ROBO1: variants seen among roughly 807,000 people sequenced by gnomAD.
ROBO1 encodes the protein roundabout homolog 1.
A neutral mutation model predicts 195.9 loss-of-function variants in ROBO1; 149 were observed. The observed-to-expected ratio is 0.76, with a 90% confidence interval of 0.67 to 0.87. ROBO1 has a LOEUF of 0.87. Among genes scored for constraint, ROBO1 ranks in the 40% least tolerant of loss-of-function variants. ROBO1 has a pLI of 0.00. For missense variants in ROBO1, 1,933 were observed against 2,068.3 expected (o/e 0.93, Z 1.27); for synonymous variants, 816 against 733.2 (o/e 1.11, Z -1.82).
At chr3:78,634,873 G>A (rs1404015686) in intron 23 of ROBO1, among the ~76,000 whole-genome samples, 2 of 152,044 alleles carry the variant, frequency 1.3e-5, no homozygotes, top group East Asian at 1.9e-4. Flanking sequence ...TTATATTTTT[G>A]TCATCTTCAA....
At chr3:79,089,957 T>TTC (rs2079446263) in intron 3 of ROBO1, among the ~76,000 whole-genome samples, 1 of 151,696 alleles carries the variant, frequency 6.6e-6, no homozygotes. Context: ...TTTTTTTTTT[T>TTC]AAGACGGAGT....
Position 79,613,210 on chromosome 3 carries a change from A to G in ROBO1, c.-50-23249T>C, listed in dbSNP as rs535247855. Among the ~76,000 whole-genome samples the G allele has an allele frequency of 3.9e-5, 6 of 152,126 alleles. No homozygotes were observed. The East Asian group carries it at 1.2e-3, about 30-fold the overall frequency. On this transcript the variant is annotated intron_variant, in intron 1 of 30. Coordinates refer to ENST00000464233, the MANE Select transcript of ROBO1 (RefSeq NM_002941.4). ...TCATTTAGCTACACTGCTTTATTTG[A>G]AGGTTAAACTCAGCTTTAAAACTAC...
At chr3:79,577,478 T>A (rs1178041012) in intron 2 of ROBO1, among the ~76,000 whole-genome samples, 2 of 152,088 alleles carry the variant, frequency 1.3e-5, no homozygotes, top group Non-Finnish European at 2.9e-5. Flanking sequence ...TGAAAAAACT[T>A]CTGCCCTGCA....
chr3:79,753,484 G>A (rs1704230948), intron 1 of ROBO1, among the ~76,000 whole-genome samples: 1 of 152,110 alleles, frequency 6.6e-6, no homozygotes, highest in South Asian at 2.1e-4. Flanking sequence ...TGATGATATT[G>A]TCCACTCAGT....
chr3:79,674,525 A>G (rs931692555), intron 1 of ROBO1, among the ~76,000 whole-genome samples: 3 of 151,982 alleles, frequency 2.0e-5, no homozygotes, highest in Non-Finnish European at 4.4e-5. Flanking sequence ...AGGTTTTTAC[A>G]GTATTATTTA....
chr3:79,604,250 C>G (rs920767159), intron 1 of ROBO1, among the ~76,000 whole-genome samples: 1 of 151,878 alleles, frequency 6.6e-6, no homozygotes, highest in African/African-American at 2.4e-5. Flanking sequence ...AAAAAAGTAG[C>G]TATGGGATCT....
At chr3:79,605,513 CT>C (rs1426245883) in intron 1 of ROBO1, among the ~76,000 whole-genome samples, 2 of 151,744 alleles carry the variant, frequency 1.3e-5, no homozygotes, top group Admixed American at 1.3e-4. Flanking sequence ...AAATCTTTCC[CT>C]TCATCTCTCA....
chr3:78,959,466 T>C lies in ROBO1; in HGVS notation c.173-20539A>G, dbSNP rs144874171. Among the ~76,000 whole-genome samples the C allele has an allele frequency of 2.5e-3, 374 of 152,328 alleles. 2 individuals carry two copies. Among genetic ancestry groups the C allele is most frequent in the African/African-American group, 8.7e-3 (361 of 41,584 alleles). ...AACCAGAGGAATAATAATTGTTACATGGCAGAGACCCGAGAAAAAATAATC... is the reference window on the plus strand; with the variant it reads ...AACCAGAGGAATAATAATTGTTACACGGCAGAGACCCGAGAAAAAATAATC... On this transcript the variant is annotated intron_variant, in intron 3 of 30. Transcript: ENST00000464233.
intron 2 of ROBO1, among the ~76,000 whole-genome samples, chr3:79,445,829 T>G (rs2039233723): frequency 6.6e-6 from 1 of 152,070 alleles, no homozygotes; most frequent in Admixed American, 6.6e-5. Flanking sequence ...GCCCGGCTAA[T>G]TTTTAGTACA....
At chr3:79,257,187 ACTGT>A (rs2082850421) in intron 2 of ROBO1, among the ~76,000 whole-genome samples, 1 of 152,198 alleles carries the variant, frequency 6.6e-6, no homozygotes, top group Non-Finnish European at 1.5e-5. Flanking sequence ...ATATCTTTAA[ACTGT>A]CAGTCTGAGA....
chr3:78,836,294 C>T (rs1282134584), intron 4 of ROBO1, among the ~76,000 whole-genome samples: 6 of 151,862 alleles, frequency 4.0e-5, no homozygotes, highest in Non-Finnish European at 5.9e-5. Flanking sequence ...GGGCGGATCA[C>T]GAGGTCAGGA....
At chr3:79,336,923 G>A (rs933924304) in intron 2 of ROBO1, among the ~76,000 whole-genome samples, 3 of 152,186 alleles carry the variant, frequency 2.0e-5, no homozygotes, top group Non-Finnish European at 2.9e-5. Flanking sequence ...AGATCATTTT[G>A]TAACTTTTTA....
intron 2 of ROBO1, among the ~76,000 whole-genome samples, chr3:79,554,383 G>C (rs1490899510): frequency 6.6e-6 from 1 of 151,860 alleles, no homozygotes; most frequent in African/African-American, 2.4e-5. Context: ...AAATGTTTTA[G>C]AACCACAAAA....
Position 78,670,133 on chromosome 3 carries a change from T to C in ROBO1, c.1511A>G (p.Gln504Arg), listed in dbSNP as rs1044988397. Residue 504 changes from glutamine to arginine, a missense_variant, in exon 11 of 31, where the codon CAG becomes CGG. Around this residue, in one of 3 missense-constraint regions of ROBO1, gnomAD observed 1,737 missense variants for 1,882.5 expected, o/e 0.92. Coordinates refer to ENST00000464233, the MANE Select transcript of ROBO1 (RefSeq NM_002941.4). ...GATCTGCAGTACTCCATTCTCCAAC[T>C]GTTTGATTCGAGAGTCTTGGGTTGA... ...LVSTQDSRIKQLENGVLQIRY... is the reference protein window; with the variant it reads ...LVSTQDSRIKRLENGVLQIRY... 2.5e-6 allele frequency: 4 copies of C among 1,613,504 alleles called. No individual in the cohort carries two copies. The highest frequency in any genetic ancestry group is 3.3e-5 in the Admixed American group (2 of 59,938).
intron 1 of ROBO1, among the ~76,000 whole-genome samples, chr3:79,673,676 G>T (rs1327443271): frequency 2.6e-5 from 4 of 151,798 alleles, no homozygotes; most frequent in Non-Finnish European, 5.9e-5. Flanking sequence ...TGAATAGCAA[G>T]AATAACTTTA....
intron 4 of ROBO1, among the ~76,000 whole-genome samples, chr3:78,793,009 C>A (rs529989649): frequency 6.6e-6 from 1 of 151,912 alleles, no homozygotes; most frequent in South Asian, 2.1e-4. Context: ...GTAGTCCCAG[C>A]TACTTGGCAG....
intron 3 of ROBO1, among the ~76,000 whole-genome samples, chr3:79,071,738 ACG>A (rs1559638583): frequency 0.13 from 19,923 of 149,624 alleles, 2,278 homozygotes; most frequent in African/African-American, 0.32. Context: ...ACACACACAC[ACG>A]CACACACACA....
At chr3:79,402,371 T>C (rs1039880187) in intron 2 of ROBO1, among the ~76,000 whole-genome samples, 2 of 151,974 alleles carry the variant, frequency 1.3e-5, no homozygotes, top group East Asian at 1.9e-4. Flanking sequence ...CCCCATTGCA[T>C]ACTGTGAGGT....
At chr3:79,017,334 T>A (rs1302516476) in intron 3 of ROBO1, among the ~76,000 whole-genome samples, 3 of 152,042 alleles carry the variant, frequency 2.0e-5, no homozygotes, top group African/African-American at 7.2e-5. Context: ...CCACAAAAGC[T>A]CAAACTAACC....
Sources: allele counts gnomAD v4.1 joint callset (sites outside exome capture counted in the v4.1 genomes callset), GRCh38; gene constraint gnomAD v4.1.1; regional missense constraint gnomAD v4.1.1; transcripts MANE v1.5; gene names NCBI Gene and HGNC (gene_info 2026-07-23, HGNC 2026-07-21).